The following IQCM variants were observed in gnomAD, a reference collection of about 807,000 sequenced individuals.
The protein encoded by IQCM is IQ domain-containing protein M.
IQCM carries 45 observed loss-of-function variants against 57.6 expected under a neutral mutation model. The ratio of observed to expected loss-of-function variants is 0.78; its 90% CI spans 0.62 to 1.00. The LOEUF (loss-of-function observed/expected upper bound fraction) is 1.00. Among genes scored for constraint, IQCM ranks in the 50% least tolerant of loss-of-function variants. The pLI, the probability that IQCM is intolerant of heterozygous loss-of-function variation, is 0.00. For missense variants in IQCM, 468 were observed against 511.6 expected, an observed-to-expected ratio of 0.91 and a Z score of 0.82; for synonymous variants, 148 against 158.9, an observed-to-expected ratio of 0.93 and a Z score of 0.51.
At chr4:149,386,200 C>T (rs913282838) in intron 13 of IQCM, among the ~76,000 whole-genome samples, 1 of 152,054 alleles carries the variant, frequency 6.6e-6, no homozygotes, top group Non-Finnish European at 1.5e-5. Flanking sequence ...TGTGATGACA[C>T]CTCCAGATTG....
Position 149,351,815 on chromosome 4 carries a change from C to T in IQCM, c.*136G>A. 1 of 379,298 alleles carries T rather than the reference C, an allele frequency of 2.6e-6. No homozygotes were observed. The highest frequency in any genetic ancestry group is 4.6e-6 in the Non-Finnish European group (1 of 216,818). The allele number at this position is 379,298 out of a possible 1,614,324, so 23.5% of individuals were successfully genotyped here. A position where few individuals can be genotyped will look rare whatever the true frequency, so the allele number is the denominator to read the frequency against. ...AAAAATACTAGAAATTATAGATAAA[C>T]TTGTCAAAGTTCTTTCTATATTCAA... On this transcript the variant is annotated 3_prime_UTR_variant, in exon 14 of 14. Transcript: ENST00000636793.
chr4:149,516,753 T>C (rs936295608), intron 12 of IQCM, among the ~76,000 whole-genome samples: 6 of 151,984 alleles, frequency 3.9e-5, no homozygotes, highest in African/African-American at 1.5e-4. Flanking sequence ...TACATTACGT[T>C]CTGCTTGCCT....
rs769756500 is a variant in IQCM, at chr4:149,560,832, T to C, written c.948+2860A>G. ...ACAGCAACAAACTCTGAAGTGGCAGTAAAGCAATATGACTATGGAAGTCTC... is the reference window on the plus strand; with the variant it reads ...ACAGCAACAAACTCTGAAGTGGCAGCAAAGCAATATGACTATGGAAGTCTC... On this transcript the variant is annotated intron_variant, in intron 10 of 13. Transcript: ENST00000636793. 3.6e-4 allele frequency among the ~76,000 whole-genome samples: 55 copies of C among 152,322 alleles called. No homozygotes were observed. The Middle Eastern group carries it at 0.014, about 38-fold the overall frequency.
At chr4:149,433,046 T>C (rs1404819244) in intron 13 of IQCM, among the ~76,000 whole-genome samples, 1 of 151,984 alleles carries the variant, frequency 6.6e-6, no homozygotes, top group Non-Finnish European at 1.5e-5. Context: ...AATGTTATAA[T>C]GACTGGAAAA....
chr4:149,456,379 A>T (rs1402288895), intron 12 of IQCM, among the ~76,000 whole-genome samples: 2 of 152,108 alleles, frequency 1.3e-5, no homozygotes, highest in African/African-American at 2.4e-5. Context: ...TAATTTTTTT[A>T]AATTTTGGAA....
chr4:149,761,330 C>T (rs1769493472), intron 2 of IQCM, among the ~76,000 whole-genome samples: 1 of 152,046 alleles, frequency 6.6e-6, no homozygotes, highest in Non-Finnish European at 1.5e-5. Context: ...TCAAAGTCCC[C>T]ATGTCCTTAC....
At chr4:149,808,636 G>A (rs541433974) in intron 2 of IQCM, among the ~76,000 whole-genome samples, 3 of 152,144 alleles carry the variant, frequency 2.0e-5, no homozygotes, top group African/African-American at 4.8e-5. Flanking sequence ...CATTGTATAC[G>A]TGTATCAAAA....
chr4:149,413,598 GAA>G (rs1733542999), intron 13 of IQCM, among the ~76,000 whole-genome samples: 1 of 152,168 alleles, frequency 6.6e-6, no homozygotes, highest in African/African-American at 2.4e-5. Flanking sequence ...ATGAAATAGA[GAA>G]AAGTAAAACA....
intron 2 of IQCM, among the ~76,000 whole-genome samples, chr4:149,773,307 G>T (rs1770764166): frequency 6.6e-6 from 1 of 151,474 alleles, no homozygotes; most frequent in African/African-American, 2.4e-5. Flanking sequence ...AGCCAAGATG[G>T]TGCCACTGCA....
At chr4:149,746,026 A>G (rs1767898149) in intron 2 of IQCM, among the ~76,000 whole-genome samples, 2 of 150,982 alleles carry the variant, frequency 1.3e-5, no homozygotes, top group South Asian at 4.2e-4. Context: ...CTTATAATTC[A>G]GTATTCTTTT....
chr4:149,499,420 G>A (rs1179924054), intron 12 of IQCM, among the ~76,000 whole-genome samples: 1 of 152,064 alleles, frequency 6.6e-6, no homozygotes, highest in Admixed American at 6.6e-5. Context: ...AAAATAATTT[G>A]CCTTAGTAAA....
At chr4:149,520,975 A>G (rs1362977275) in intron 12 of IQCM, among the ~76,000 whole-genome samples, 1 of 152,118 alleles carries the variant, frequency 6.6e-6, no homozygotes, top group Non-Finnish European at 1.5e-5. Context: ...TCTATGCAGG[A>G]TCCCAAACTA....
At chr4:149,758,078 A>G (rs926595111) in intron 2 of IQCM, among the ~76,000 whole-genome samples, 3 of 152,298 alleles carry the variant, frequency 2.0e-5, no homozygotes, top group South Asian at 4.1e-4. Flanking sequence ...AGAAAAATAG[A>G]TAAGTGGAAC....
At chr4:149,790,488 C>G (rs978294244) in intron 2 of IQCM, among the ~76,000 whole-genome samples, 2 of 152,188 alleles carry the variant, frequency 1.3e-5, no homozygotes, top group African/African-American at 4.8e-5. Flanking sequence ...GTCAGTACCA[C>G]CTGGATGTGG....
chr4:149,387,765 C>A (rs1731527615), intron 13 of IQCM, among the ~76,000 whole-genome samples: 1 of 151,926 alleles, frequency 6.6e-6, no homozygotes, highest in Non-Finnish European at 1.5e-5. Context: ...ATTGTGCAAT[C>A]TATCATCATA....
At chr4:149,741,979 C>T (rs1201489262) in intron 3 of IQCM, among the ~76,000 whole-genome samples, 2 of 151,980 alleles carry the variant, frequency 1.3e-5, no homozygotes, top group Non-Finnish European at 2.9e-5. Flanking sequence ...GAAGATTATA[C>T]AGTGTGAACT....
intron 3 of IQCM, among the ~76,000 whole-genome samples, chr4:149,742,440 C>A (rs79220532): frequency 6.6e-6 from 1 of 151,986 alleles, no homozygotes; most frequent in Non-Finnish European, 1.5e-5. Context: ...GACTGAATAG[C>A]CCACATGTGA....
rs1004037471 is a variant in IQCM, at chr4:149,389,520, A to T, written c.1391-37454T>A. 1.7e-4 allele frequency among the ~76,000 whole-genome samples: 26 copies of T among 151,844 alleles called. No individual in the cohort carries two copies. In the South Asian group the frequency reaches 5.4e-3, roughly 32 times the overall value. On this transcript the variant is annotated intron_variant, in intron 13 of 13. Transcript: ENST00000636793. ...TGGCACATATACACCATGGAATACT[A>T]TGCAGCCATAAAAAATGATGAGTTC...
At chr4:149,456,376 T>C (rs115255193) in intron 12 of IQCM, among the ~76,000 whole-genome samples, 2,690 of 152,218 alleles carry the variant, frequency 0.018, 80 homozygotes, top group African/African-American at 0.062. Context: ...TTCTAATTTT[T>C]TTAAATTTTG....
Sources: gnomAD v4.1 joint callset for allele counts (sites outside exome capture counted in the v4.1 genomes callset) on GRCh38, gnomAD v4.1.1 for gene constraint, MANE v1.5 for transcripts, NCBI Gene and HGNC (gene_info 2026-07-23, HGNC 2026-07-21) for gene names.